CHD6: variants seen among roughly 807,000 people sequenced by gnomAD.
CHD6 encodes the protein chromodomain helicase DNA binding protein 6, also known as ATP-dependent chromatin remodeler CHD6.
CHD6 carries 50 observed loss-of-function variants against 276.9 expected under a neutral mutation model. The observed-to-expected ratio is 0.18, with a 90% CI of 0.14 to 0.23. The LOEUF (loss-of-function observed/expected upper bound fraction) is 0.23. CHD6 is among the 10% of genes least tolerant of loss of function. The pLI is 1.00. For synonymous variants in CHD6, 1,173 were observed against 1,229.3 expected (o/e 0.95, Z 0.96); for missense variants, 2,564 against 3,365.8 (o/e 0.76, Z 5.89).
At chr20:41,439,388 A>G (rs2047827376) in intron 26 of CHD6, among the ~76,000 whole-genome samples, 1 of 152,132 alleles carries the variant, frequency 6.6e-6, no homozygotes, top group Admixed American at 6.5e-5. Context: ...TTTCAAAAAC[A>G]TATATATAAT....
At chr20:41,484,060 A>G (rs2043356526) in intron 15 of CHD6, among the ~76,000 whole-genome samples, 1 of 152,214 alleles carries the variant, frequency 6.6e-6, no homozygotes. Flanking sequence ...TTGAACAAAT[A>G]AAGGGCAGCA....
At chr20:41,516,085 A>G (rs2044243518) in intron 3 of CHD6, among the ~76,000 whole-genome samples, 1 of 152,228 alleles carries the variant, frequency 6.6e-6, no homozygotes, top group African/African-American at 2.4e-5. Flanking sequence ...AATACTTTAT[A>G]TAATAATTAC....
intron 1 of CHD6, among the ~76,000 whole-genome samples, chr20:41,588,155 C>T (rs1328266819): frequency 6.6e-6 from 1 of 152,084 alleles, no homozygotes; most frequent in African/African-American, 2.4e-5. Flanking sequence ...CCAAGAAAAC[C>T]TGCTTATGAA....
chr20:41,417,517 A>G (rs1196214297), intron 31 of CHD6, among the ~76,000 whole-genome samples, 168 bp from the exon 32 acceptor site: 2 of 152,236 alleles, frequency 1.3e-5, no homozygotes, highest in Non-Finnish European at 2.9e-5. Context: ...GGAGAACCGT[A>G]TCAGTTAAGC....
rs773070132 is a variant in CHD6 at position 41,425,242 on chromosome 20, C to A, written c.4282G>T (p.Val1428Phe). The change falls in exon 29 of 37, where the codon GTT becomes TTT. Residue 1428 changes from valine (V) to phenylalanine (F), a missense_variant. By Grantham distance (50) the Val-to-Phe change is conservative. This residue lies in a region of CHD6 where 515 missense variants were observed against 739.5 expected (regional missense o/e 0.70). Transcript: ENST00000373233. ...GTTCTCCTGAACATCTCTTCCTGAA[C>A]CCAATATCCTTGGTTACCTGGTCCC... ...ILGPGNQGYW[V>F]QEEMFRRTSE... 18 of 1,614,080 alleles carry A rather than the reference C, an allele frequency of 1.1e-5. No individual in the cohort carries two copies. In the South Asian group the frequency reaches 2.0e-4, roughly 18 times the overall value.
chr20:41,564,066 G>C (rs186241582), intron 1 of CHD6: 2 of 779,444 alleles, frequency 2.6e-6, no homozygotes, highest in Admixed American at 3.4e-5. Flanking sequence ...TGTGGGATTT[G>C]GGCAACTTAT....
intron 5 of CHD6, among the ~76,000 whole-genome samples, chr20:41,511,411 C>A (rs1568659695): frequency 6.6e-6 from 1 of 152,172 alleles, no homozygotes; most frequent in Non-Finnish European, 1.5e-5. Flanking sequence ...CTCCTTGGCA[C>A]AGACCTCTTT....
chr20:41,404,732 T>C lies in CHD6; in HGVS notation c.8009A>G (p.Glu2670Gly), dbSNP rs2046620525. Residue 2670 changes from glutamate to glycine, a missense_variant, in exon 37 of 37, where the codon GAG (glutamate) becomes GGG (glycine). Coordinates refer to ENST00000373233, the MANE Select transcript of CHD6 (RefSeq NM_032221.5). ...TKGDNPNSHPEPAPSCEREPS... is the reference protein window; with the variant it reads ...TKGDNPNSHPGPAPSCEREPS... ...CTCCCTTTCACAGCTGGGAGCAGGC[T>C]CTGGGTGGGAGTTGGGGTTGTCCCC... The C allele has an allele frequency of 6.2e-7, 1 of 1,603,432 alleles. No homozygotes were observed. Among genetic ancestry groups the C allele is most frequent in the South Asian group, 1.1e-5 (1 of 89,476 alleles).
intron 2 of CHD6, among the ~76,000 whole-genome samples, chr20:41,546,850 T>C (rs1235444390): frequency 1.3e-5 from 2 of 152,260 alleles, no homozygotes; most frequent in Non-Finnish European, 2.9e-5. Flanking sequence ...TATTAAAATC[T>C]GTTTTTCTCA....
intron 1 of CHD6, among the ~76,000 whole-genome samples, chr20:41,615,773 A>G (rs892090028): frequency 7.2e-5 from 11 of 152,244 alleles, no homozygotes; most frequent in Non-Finnish European, 1.5e-4. Flanking sequence ...TCTTTCCATG[A>G]AAAACATAGG....
chr20:41,491,313 T>TAC (rs1177168753), intron 11 of CHD6, among the ~76,000 whole-genome samples: 1 of 148,438 alleles, frequency 6.7e-6, no homozygotes, highest in Non-Finnish European at 1.5e-5. Context: ...TATATATATA[T>TAC]ATATTCCTAT....
Position 41,415,291 on chromosome 20 carries a change from T to C in CHD6, c.6834A>G (p.Arg2278=). Residue 2278 remains arginine, a synonymous_variant, in exon 34 of 37, where the codon AGA becomes AGG. Transcript: ENST00000373233. ...GCCTCCTCGTGGCTGCATCATCTCT[T>C]CTGAGGCTTCCATTGACAATCTGTC... ...VTGQIVNGSL[R]RDDAATRRRR... 6.2e-7 allele frequency: 1 copy of C among 1,614,196 alleles called. No individual in the cohort carries two copies. The highest frequency in any genetic ancestry group is 8.5e-7 in the Non-Finnish European group (1 of 1,180,034).
chr20:41,604,322 G>A (rs1568729467), intron 1 of CHD6, among the ~76,000 whole-genome samples: 1 of 152,060 alleles, frequency 6.6e-6, no homozygotes, highest in Admixed American at 6.6e-5. Context: ...GCCCAGGAAG[G>A]AGTATAAAAC....
rs991465690 is a variant in CHD6 at position 41,402,639 on chromosome 20, A to AT, written c.*1953dup. 4.5e-4 allele frequency: 100 copies of AT among 220,274 alleles called. No individual in the cohort carries two copies. The highest frequency in any genetic ancestry group is 1.4e-3 in the Middle Eastern group (1 of 710). The allele number at this position is 220,274 out of a possible 1,614,324, so 13.6% of individuals were successfully genotyped here. A position where few individuals can be genotyped will look rare whatever the true frequency, so the allele number is the denominator to read the frequency against. ...TATTTTAAGGATTTAGGGCAAATAC[A>AT]TTTTTTTTTCTACTTGATAAAAAGA... is the stretch of plus-strand genomic sequence containing the variant. On this transcript the variant is annotated 3_prime_UTR_variant, in exon 37 of 37. Coordinates refer to ENST00000373233, the MANE Select transcript of CHD6 (RefSeq NM_032221.5).
chr20:41,494,672 C>A (rs1169167575), intron 8 of CHD6, among the ~76,000 whole-genome samples: 2 of 152,126 alleles, frequency 1.3e-5, no homozygotes, highest in African/African-American at 4.8e-5. Flanking sequence ...CTTTCTTACC[C>A]AGAAGCTGAA....
intron 20 of CHD6, among the ~76,000 whole-genome samples, chr20:41,453,437 C>T (rs2048300613): frequency 6.6e-6 from 1 of 152,178 alleles, no homozygotes; most frequent in Admixed American, 6.5e-5. Flanking sequence ...AACCTTTTGC[C>T]TTTCACTGAC....
chr20:41,472,477 T>G lies in CHD6; in HGVS notation c.2664+845A>C, dbSNP rs557166918. The stretch of plus-strand genomic sequence containing the variant: ...CCACCCACCCACCTTCTTCACCACA[T>G]ACCCATAATCCTAGTGTTAGTAAAT... On this transcript the variant is annotated intron_variant, in intron 17 of 36. Transcript: ENST00000373233. Among the ~76,000 whole-genome samples, 6 of 152,274 alleles carry G rather than the reference T, an allele frequency of 3.9e-5. No homozygotes were observed. In the East Asian group the frequency reaches 9.6e-4, roughly 24 times the overall value.
Position 41,423,689 on chromosome 20 carries a change from C to T in CHD6, c.4358G>A (p.Arg1453Lys). The T allele has an allele frequency of 6.2e-7, 1 of 1,613,926 alleles. No individual in the cohort carries two copies. Among genetic ancestry groups the T allele is most frequent in the East Asian group, 2.2e-5 (1 of 44,878 alleles). Residue 1453 changes from arginine (R) to lysine (K), a missense_variant, in exon 30 of 37, where the codon AGA (arginine) becomes AAA (lysine). Around this residue, in one of 7 missense-constraint regions of CHD6, gnomAD observed 515 missense variants for 739.5 expected, o/e 0.70. Coordinates refer to ENST00000373233, the MANE Select transcript of CHD6 (RefSeq NM_032221.5). Reference sequence around the variant, plus strand: ...TGTTCTATAGAAGTCTGCTTGTTCTCTCCTAGTCCACCTTGAGATTTAATC... The same window carrying T: ...TGTTCTATAGAAGTCTGCTTGTTCTTTCCTAGTCCACCTTGAGATTTAATC... ...NKEAQKRWTRREQADFYRTVS... is the reference protein window; with the variant it reads ...NKEAQKRWTRKEQADFYRTVS...
intron 1 of CHD6, among the ~76,000 whole-genome samples, chr20:41,566,418 T>C (rs1224458000): frequency 1.3e-5 from 2 of 152,096 alleles, no homozygotes; most frequent in African/African-American, 4.8e-5. Context: ...TTGTGTGGTG[T>C]AAAGCCTAAA....
Sources: gnomAD v4.1 joint callset for allele counts (sites outside exome capture counted in the v4.1 genomes callset) on GRCh38, gnomAD v4.1.1 for gene constraint, gnomAD v4.1.1 regional missense constraint, MANE v1.5 for transcripts, NCBI Gene and HGNC (gene_info 2026-07-23, HGNC 2026-07-21) for gene names.